SCO1: variants seen among roughly 807,000 people sequenced by gnomAD.
SCO1 encodes the protein synthesis of cytochrome C oxidase 1, also known as cytochrome c oxidase assembly factor SCO1.
SCO1 carries 23 observed loss-of-function variants against 34.0 expected under a neutral mutation model. The ratio of observed to expected loss-of-function variants is 0.68; its 90% CI spans 0.49 to 0.96. The LOEUF (loss-of-function observed/expected upper bound fraction) is 0.96, where lower values mean the gene tolerates loss of function less well. Among genes scored for constraint, SCO1 ranks in the 40% least tolerant of loss-of-function variants. SCO1 has a pLI of 0.00. For synonymous variants in SCO1, 161 were observed against 145.5 expected, an observed-to-expected ratio of 1.11 and a Z score of -0.77; for missense variants, 404 against 381.6, an observed-to-expected ratio of 1.06 and a Z score of -0.49.
intron 1 of SCO1, among the ~76,000 whole-genome samples, chr17:10,696,241 T>C (rs2074724757): frequency 6.6e-6 from 1 of 151,740 alleles, no homozygotes; most frequent in African/African-American, 2.4e-5. Flanking sequence ...GGTCGGGAGT[T>C]TGAGACCAGC....
chr17:10,696,045 C>T (rs1199448652), intron 1 of SCO1, among the ~76,000 whole-genome samples: 1 of 127,748 alleles, frequency 7.8e-6, no homozygotes, highest in East Asian at 2.5e-4. Flanking sequence ...GGGGAAAGTT[C>T]CCTAAGTCAG....
intron 5 of SCO1, among the ~76,000 whole-genome samples, chr17:10,685,950 G>A (rs1305696091): frequency 6.6e-6 from 1 of 152,226 alleles, no homozygotes; most frequent in Non-Finnish European, 1.5e-5. Flanking sequence ...GCTTCTGGCT[G>A]GGCGCAGTGG....
At chr17:10,682,678 A>G (rs1367897170) in intron 5 of SCO1, among the ~76,000 whole-genome samples, 1 of 152,218 alleles carries the variant, frequency 6.6e-6, no homozygotes, top group African/African-American at 2.4e-5. Context: ...TCACTCCTCA[A>G]TATTCCTTTG....
Position 10,681,273 on chromosome 17 carries a change from G to C in SCO1, c.772-20C>G, listed in dbSNP as rs761586419. On this transcript the variant is annotated intron_variant, in intron 5 of 5. Coordinates refer to ENST00000255390, the MANE Select transcript of SCO1 (RefSeq NM_004589.4). ...ATCCACCTGCAGAGAAAAGGGGGGA[G>C]AGTGTGACAAAGATTACCAAAATAA... The C allele has an allele frequency of 2.1e-5, 34 of 1,613,246 alleles. No individual in the cohort carries two copies. Among genetic ancestry groups the C allele is most frequent in the Non-Finnish European group, 2.8e-5 (33 of 1,179,670 alleles).
At chr17:10,682,899 G>A (rs1182747971) in intron 5 of SCO1, among the ~76,000 whole-genome samples, 1 of 152,174 alleles carries the variant, frequency 6.6e-6, no homozygotes. Context: ...TAAGTGCCAG[G>A]CCTAACTTTA....
intron 5 of SCO1, among the ~76,000 whole-genome samples, chr17:10,682,871 A>C (rs1390824481): frequency 6.6e-6 from 1 of 152,212 alleles, no homozygotes; most frequent in African/African-American, 2.4e-5. Context: ...GGCTGGAGAG[A>C]GTAAATTATA....
rs769451925 is a variant in SCO1 at position 10,686,767 on chromosome 17, T to A, written c.731A>T (p.Tyr244Phe). 1 of 1,613,836 alleles carries A rather than the reference T, an allele frequency of 6.2e-7. No homozygotes were observed. Among genetic ancestry groups the A allele is most frequent in the Admixed American group, 1.7e-5 (1 of 60,018 alleles). Reference sequence around the variant, plus strand: ...TTCGTCCTTGGGGCCAGGGCTGTAATACACTCTGTATGCTCTGGCCACTTG... The same window carrying A: ...TTCGTCCTTGGGGCCAGGGCTGTAAAACACTCTGTATGCTCTGGCCACTTG... ...VDQVARAYRVYYSPGPKDEDE... is the reference protein window; with the variant it reads ...VDQVARAYRVFYSPGPKDEDE... Residue 244 changes from tyrosine (Y) to phenylalanine (F), a missense_variant, in exon 5 of 6, where the codon TAT becomes TTT. By Grantham distance (22) the Tyr-to-Phe change is conservative. Coordinates refer to ENST00000255390, the MANE Select transcript of SCO1 (RefSeq NM_004589.4).
In SCO1 at chr17:10,697,489, C is replaced by A. The variant is rs1182615990; in HGVS notation, c.19G>T (p.Val7Leu). The change falls in exon 1 of 6, where the codon GTA (valine) becomes TTA (leucine). Residue 7 changes from valine (V) to leucine (L), a missense_variant. Physicochemically the swap from Val to Leu is conservative, Grantham distance 32. Coordinates refer to ENST00000255390, the MANE Select transcript of SCO1 (RefSeq NM_004589.4). MAMLVL[V>L]PGRVMRPLGG... is the part of the protein sequence containing the mutation. ...AGAGGCCGCATAACTCGTCCGGGTA[C>A]TAGGACCAGCATCGCCATGAGCCTC... 1.9e-6 allele frequency: 3 copies of A among 1,613,342 alleles called. No individual in the cohort carries two copies. The highest frequency in any genetic ancestry group is 1.3e-5 in the African/African-American group (1 of 74,932).
In SCO1 at chr17:10,692,747, A is replaced by G. The variant is rs1314919311; in HGVS notation, c.562+17T>C. The G allele has an allele frequency of 6.2e-7, 1 of 1,601,256 alleles. No individual in the cohort carries two copies. Among genetic ancestry groups the G allele is most frequent in the Admixed American group, 1.7e-5 (1 of 60,018 alleles). On this transcript the variant is annotated intron_variant, in intron 3 of 5. Coordinates refer to ENST00000255390, the MANE Select transcript of SCO1 (RefSeq NM_004589.4). ...AAGTAAACATATACTTTGTTTAGTT[A>G]GTGATGGCTTTCTTACCTATTTCAT... is the stretch of plus-strand genomic sequence containing the variant.
intron 5 of SCO1, among the ~76,000 whole-genome samples, chr17:10,685,158 C>G (rs538808536): frequency 6.6e-6 from 1 of 152,292 alleles, no homozygotes; most frequent in Admixed American, 6.5e-5. Flanking sequence ...AGTGAGACAT[C>G]CCATCCCCTC....
intron 5 of SCO1, among the ~76,000 whole-genome samples, chr17:10,682,298 A>G (rs1329181429): frequency 6.6e-6 from 1 of 152,188 alleles, no homozygotes; most frequent in Non-Finnish European, 1.5e-5. Context: ...TATTTTTTAT[A>G]CACACATTCT....
In SCO1 at chr17:10,677,570, C is replaced by T. The variant is rs1463600767; in HGVS notation, c.*3549G>A. ...AAAGGATCTTATGCAGACGCATTTA[C>T]AATTTAAAATCATTAGCCTCCCAAC... On this transcript the variant is annotated 3_prime_UTR_variant, in exon 6 of 6. Coordinates refer to ENST00000255390, the MANE Select transcript of SCO1 (RefSeq NM_004589.4). 6.6e-6 allele frequency: 1 copy of T among 152,164 alleles called. No individual in the cohort carries two copies. Among genetic ancestry groups the T allele is most frequent in the African/African-American group, 2.4e-5 (1 of 41,440 alleles). 9.4% of individuals were successfully genotyped at this position (152,164 alleles called of 1,614,324 possible).
chr17:10,683,669 T>C (rs1389484421), intron 5 of SCO1, among the ~76,000 whole-genome samples: 1 of 151,760 alleles, frequency 6.6e-6, no homozygotes, highest in African/African-American at 2.4e-5. Context: ...CACATTTAGG[T>C]TTGAAAGCTA....
chr17:10,697,495 C>CCAG lies in SCO1; in HGVS notation c.10_12dup (p.Leu4dup), dbSNP rs773783336. On this transcript the variant is annotated inframe_insertion, in exon 1 of 6. Transcript: ENST00000255390. ...CGCATAACTCGTCCGGGTACTAGGA[C>CCAG]CAGCATCGCCATGAGCCTCGGAGAC... The CCAG allele has an allele frequency of 6.2e-7, 1 of 1,613,396 alleles. No homozygotes were observed. The highest frequency in any genetic ancestry group is 8.5e-7 in the Non-Finnish European group (1 of 1,179,928).
chr17:10,687,781 C>T (rs1305634323), intron 4 of SCO1, among the ~76,000 whole-genome samples: 4 of 152,158 alleles, frequency 2.6e-5, no homozygotes, highest in African/African-American at 4.8e-5. Context: ...CATCATCAAT[C>T]GCTATGTTCT....
intron 5 of SCO1, 87 bp from the exon 6 acceptor site, chr17:10,681,340 T>C (rs1005661235): frequency 7.4e-7 from 1 of 1,358,816 alleles, no homozygotes; most frequent in Admixed American, 1.7e-5. Context: ...ATAAGAGAAC[T>C]TTACATTAAT....
chr17:10,686,183 A>G (rs1465516966), intron 5 of SCO1, among the ~76,000 whole-genome samples: 4 of 152,164 alleles, frequency 2.6e-5, no homozygotes, highest in African/African-American at 9.7e-5. Context: ...CGGAGGTCGA[A>G]GTGAGCCAAG....
chr17:10,683,658 GCA>G (rs1427307498), intron 5 of SCO1, among the ~76,000 whole-genome samples: 1 of 151,694 alleles, frequency 6.6e-6, no homozygotes, highest in Non-Finnish European at 1.5e-5. Flanking sequence ...TTATGAAACT[GCA>G]CATTTAGGTT....
intron 4 of SCO1, among the ~76,000 whole-genome samples, chr17:10,687,464 AAAC>A (rs1456317326): frequency 2.6e-5 from 4 of 152,242 alleles, no homozygotes; most frequent in African/African-American, 9.6e-5. Context: ...AGGTCACTTA[AAAC>A]AACTGGATTC....
Sources: gnomAD v4.1 joint callset for allele counts (sites outside exome capture counted in the v4.1 genomes callset) on GRCh38, gnomAD v4.1.1 for gene constraint, MANE v1.5 for transcripts, NCBI Gene and HGNC (gene_info 2026-07-23, HGNC 2026-07-21) for gene names.